DNAH11: variants seen among roughly 807,000 people sequenced by gnomAD.
The protein encoded by DNAH11 is dynein axonemal heavy chain 11.
In DNAH11, 442 loss-of-function variants were observed where a neutral mutation model predicts 526.0. That is an observed-to-expected ratio of 0.84 (90% CI 0.78 to 0.91). The LOEUF is 0.91. DNAH11 is among the 40% of genes least tolerant of loss of function. DNAH11 has a pLI of 0.00. For missense variants in DNAH11, 6,989 were observed against 5,448.7 expected (o/e 1.28, Z -8.90); for synonymous variants, 2,461 against 1,935.9 (o/e 1.27, Z -7.12).
rs1176612398 is a variant in DNAH11 at position 21,658,897 on chromosome 7, CTG to C, written c.5197_5198del (p.Trp1733AspfsTer3). 6.2e-7 allele frequency: 1 copy of C among 1,609,942 alleles called. No individual in the cohort carries two copies. The highest frequency in any genetic ancestry group is 1.3e-5 in the African/African-American group (1 of 74,808). On this transcript the variant is annotated frameshift_variant, in exon 30 of 82. Coordinates refer to ENST00000409508, the MANE Select transcript of DNAH11 (RefSeq NM_001277115.2). LOFTEE classifies it high-confidence loss of function. ...GGCCTACGAGGAAAAACCTAGGGAACTGTGGATTTTTGATTTCCCAGCTCAGG... is the reference window on the plus strand; with the variant it reads ...GGCCTACGAGGAAAAACCTAGGGAACTGGATTTTTGATTTCCCAGCTCAGG... ...IVAYEEKPRE[L>X]WIFDFPAQVA... is the part of the protein sequence containing the mutation.
At chr7:21,776,457 T>C (rs1307576789) in intron 56 of DNAH11, among the ~76,000 whole-genome samples, 2 of 152,218 alleles carry the variant, frequency 1.3e-5, no homozygotes, top group Non-Finnish European at 2.9e-5. Flanking sequence ...TGCCTGTATA[T>C]TGGGGCATGT....
chr7:21,784,339 CA>C, intron 57 of DNAH11, 87 bp from the exon 58 acceptor site: 1 of 932,210 alleles, frequency 1.1e-6, no homozygotes, highest in Non-Finnish European at 1.7e-6. Flanking sequence ...AATTATTTAA[CA>C]GTGCATCTGA....
intron 28 of DNAH11, among the ~76,000 whole-genome samples, chr7:21,650,954 TAA>T (rs11296456): frequency 4.3e-4 from 64 of 148,752 alleles, no homozygotes; most frequent in Non-Finnish European, 4.8e-4. Flanking sequence ...ACTGTTATTT[TAA>T]AAAAAAAAAA....
chr7:21,559,850 T>C (rs1489763651), intron 4 of DNAH11, 58 bp downstream of exon 4: 2 of 1,377,810 alleles, frequency 1.5e-6, no homozygotes, highest in Non-Finnish European at 2.0e-6. Flanking sequence ...TGAGCTGCAA[T>C]GACCAATAGT....
At chr7:21,685,008 C>T (rs898927580) in intron 32 of DNAH11, among the ~76,000 whole-genome samples, 2 of 152,170 alleles carry the variant, frequency 1.3e-5, no homozygotes, top group African/African-American at 4.8e-5. Flanking sequence ...TATGGTAGTC[C>T]TGAGAGGCTG....
At chr7:21,803,795 T>C (rs944950361) in intron 62 of DNAH11, among the ~76,000 whole-genome samples, 7 of 149,870 alleles carry the variant, frequency 4.7e-5, no homozygotes, top group South Asian at 2.1e-4. Flanking sequence ...GCTGTCATCA[T>C]TGAAGTCTGG....
intron 42 of DNAH11, among the ~76,000 whole-genome samples, chr7:21,715,448 T>C (rs532503525): frequency 6.6e-6 from 1 of 152,324 alleles, no homozygotes; most frequent in South Asian, 2.1e-4. Flanking sequence ...GATGATACAT[T>C]GGGGCATTAC....
At chr7:21,819,458 C>G (rs1183427389) in intron 65 of DNAH11, among the ~76,000 whole-genome samples, 1 of 152,168 alleles carries the variant, frequency 6.6e-6, no homozygotes, top group Non-Finnish European at 1.5e-5. Context: ...TAACAAGCCA[C>G]TTGACAAACT....
At position 21,816,549 on chromosome 7, in the gene DNAH11, G is replaced by A. The variant is rs1372476219; in HGVS notation, c.10415G>A (p.Gly3472Glu). The A allele has an allele frequency of 1.2e-6, 2 of 1,613,108 alleles. No individual in the cohort carries two copies. The highest frequency in any genetic ancestry group is 1.1e-5 in the South Asian group (1 of 90,800). The change falls in exon 64 of 82, where the codon GGA becomes GAA. Residue 3472 changes from glycine to glutamate, a missense_variant. Gly to Glu is a moderately conservative substitution (Grantham distance 98). Transcript: ENST00000409508. ...ACAATTGCCGCCTGGAATAACGAAG[G>A]ACTGCCCAGTGACAGAATGTCCACC... is the stretch of plus-strand genomic sequence containing the variant. ...DATIAAWNNE[G>E]LPSDRMSTEN...
chr7:21,784,284 A>T, intron 57 of DNAH11, 143 bp from the exon 58 acceptor site: 1 of 645,766 alleles, frequency 1.5e-6, no homozygotes, highest in Non-Finnish European at 2.7e-6. Flanking sequence ...AAGGAAAATT[A>T]GTCTGTTTAA....
At chr7:21,711,902 A>G (rs184090936) in intron 42 of DNAH11, 42 bp downstream of exon 42, 1 of 1,558,832 alleles carries the variant, frequency 6.4e-7, no homozygotes, top group Non-Finnish European at 8.7e-7. Context: ...ATTGTATGTA[A>G]CATAACATTT....
At chr7:21,642,810 T>C (rs115628865) in intron 28 of DNAH11, among the ~76,000 whole-genome samples, 1,799 of 152,188 alleles carry the variant, frequency 0.012, 41 homozygotes, top group African/African-American at 0.041. Flanking sequence ...CAGGGAGGTC[T>C]GATAACCACT....
At chr7:21,723,276 A>G (rs1171002076) in intron 44 of DNAH11, among the ~76,000 whole-genome samples, 1 of 152,222 alleles carries the variant, frequency 6.6e-6, no homozygotes, top group East Asian at 1.9e-4. Flanking sequence ...GGATTGGTAC[A>G]ACTCTTCTTT....
Position 21,867,986 on chromosome 7 carries a change from C to T in DNAH11, c.11818C>T (p.Leu3940Phe). ...CATCCTGTCTCCGGGGGTAGATGCC[C>T]TTAAAGACCTGGAGATTCTTGGTGA... ...FFILSPGVDA[L>F]KDLEILGKRL... The change falls in exon 72 of 82, where the codon CTT (leucine) becomes TTT (phenylalanine). Residue 3940 changes from leucine (L) to phenylalanine (F), a missense_variant. Physicochemically the swap from Leu to Phe is conservative, Grantham distance 22. Coordinates refer to ENST00000409508, the MANE Select transcript of DNAH11 (RefSeq NM_001277115.2). 1 of 1,552,130 alleles carries T rather than the reference C, an allele frequency of 6.4e-7. No individual in the cohort carries two copies. The highest frequency in any genetic ancestry group is 8.7e-7 in the Non-Finnish European group (1 of 1,146,912).
intron 51 of DNAH11, among the ~76,000 whole-genome samples, chr7:21,746,974 A>G (rs1562523541): frequency 6.6e-6 from 1 of 152,122 alleles, no homozygotes; most frequent in East Asian, 1.9e-4. Flanking sequence ...TCAATACAGA[A>G]TTTTCAGTGG....
At chr7:21,598,883 C>T (rs1442477666) in intron 14 of DNAH11, among the ~76,000 whole-genome samples, 4 of 152,188 alleles carry the variant, frequency 2.6e-5, no homozygotes, top group African/African-American at 7.2e-5. Context: ...ATAATGGCCT[C>T]CAGCTCCATC....
chr7:21,863,242 C>T (rs1351242040), intron 69 of DNAH11, among the ~76,000 whole-genome samples: 2 of 152,132 alleles, frequency 1.3e-5, no homozygotes, highest in Non-Finnish European at 2.9e-5. Context: ...TCTGTGTGTG[C>T]CAAAGAAGGC....
intron 20 of DNAH11, among the ~76,000 whole-genome samples, chr7:21,607,264 G>T (rs1444040919): frequency 6.6e-6 from 1 of 152,138 alleles, no homozygotes; most frequent in Non-Finnish European, 1.5e-5. Flanking sequence ...GACTCAGCCA[G>T]CCTAGTCCTT....
chr7:21,749,771 C>G lies in DNAH11; in HGVS notation c.8767C>G (p.Leu2923Val). 1 of 1,613,916 alleles carries G rather than the reference C, an allele frequency of 6.2e-7. No homozygotes were observed. Among genetic ancestry groups the G allele is most frequent in the Non-Finnish European group, 8.5e-7 (1 of 1,179,826 alleles). The part of the protein sequence containing the change: ...TDAQVLDESF[L>V]VLINDLLASG... ...TGCCCAGGTTCTAGATGAGAGCTTC[C>G]TCGTGCTGATTAATGACTTGCTGGC... The change falls in exon 53 of 82, where the codon CTC becomes GTC. Residue 2923 changes from leucine to valine, a missense_variant. Transcript: ENST00000409508.
Sources: gnomAD v4.1 joint callset for allele counts (sites outside exome capture counted in the v4.1 genomes callset) on GRCh38, gnomAD v4.1.1 for gene constraint, MANE v1.5 for transcripts, NCBI Gene and HGNC (gene_info 2026-07-23, HGNC 2026-07-21) for gene names.